The following AFF4 variants were observed in gnomAD, a reference collection of about 807,000 sequenced individuals.
The protein encoded by AFF4 is ALF transcription elongation factor 4, also known as AF4/FMR2 family member 4.
Under a neutral mutation model 124.8 loss-of-function variants are expected in AFF4, and 13 were observed. That is an observed-to-expected ratio of 0.10 (90% confidence interval 0.07 to 0.17). The LOEUF (loss-of-function observed/expected upper bound fraction) is 0.17. AFF4 is among the 10% of genes least tolerant of loss of function. The probability of loss-of-function intolerance (pLI) is 1.00; values close to 1 mark genes in which losing one functional copy is unlikely to be tolerated. For synonymous variants in AFF4, 477 were observed against 496.1 expected, an observed-to-expected ratio of 0.96 and a Z score of 0.51; for missense variants, 1,092 against 1,403.8, an observed-to-expected ratio of 0.78 and a Z score of 3.55.
intron 2 of AFF4, among the ~76,000 whole-genome samples, chr5:132,936,704 G>A (rs1162439177): frequency 6.6e-6 from 1 of 152,154 alleles, no homozygotes; most frequent in Non-Finnish European, 1.5e-5. Context: ...GAAAATAGAG[G>A]TAAATGTATG....
At chr5:132,899,764 C>T (rs1760502912) in intron 7 of AFF4, 123 bp from the exon 8 acceptor site, 1 of 728,124 alleles carries the variant, frequency 1.4e-6, no homozygotes, top group African/African-American at 1.7e-5. Context: ...AACCAAAAAA[C>T]AAAACACCAG....
chr5:132,937,185 T>C lies in AFF4; in HGVS notation c.5A>G (p.Asn2Ser). M[N>S]REDRNVLRMK... is the part of the protein sequence containing the mutation. ...ACGCAGCACATTCCGGTCTTCACGG[T>C]TCATGTTGCTATGAAAAGAAACACA... is the stretch of plus-strand genomic sequence containing the variant. The change falls in exon 2 of 21, where the codon AAC (asparagine) becomes AGC (serine). Residue 2 changes from asparagine (N) to serine (S), a missense_variant. Physicochemically the swap from Asn to Ser is conservative, Grantham distance 46. Transcript: ENST00000265343. 10 of 1,608,408 alleles carry C rather than the reference T, an allele frequency of 6.2e-6. No individual in the cohort carries two copies. Among genetic ancestry groups the C allele is most frequent in the Non-Finnish European group, 8.5e-6 (10 of 1,176,610 alleles).
chr5:132,923,161 G>A (rs1761090060), intron 5 of AFF4, among the ~76,000 whole-genome samples: 1 of 151,984 alleles, frequency 6.6e-6, no homozygotes, highest in South Asian at 2.1e-4. Flanking sequence ...GGGCAACAGA[G>A]CAAAACTTTG....
intron 5 of AFF4, among the ~76,000 whole-genome samples, chr5:132,925,641 C>A (rs1429073831): frequency 6.6e-6 from 1 of 152,100 alleles, no homozygotes. Context: ...AGCAAATTTA[C>A]CCACAAAGAA....
chr5:132,902,516 TA>T, intron 6 of AFF4, 29 bp from the exon 7 acceptor site: 1 of 1,529,078 alleles, frequency 6.5e-7, no homozygotes, highest in Non-Finnish European at 9.1e-7. Context: ...AGTGAGCAAC[TA>T]AAGGATGGCT....
At chr5:132,896,094 A>G (rs1157901356) in intron 11 of AFF4, among the ~76,000 whole-genome samples, 2 of 152,208 alleles carry the variant, frequency 1.3e-5, no homozygotes, top group Non-Finnish European at 2.9e-5. Context: ...AAAAGCACTG[A>G]CTCATTTCTT....
intron 7 of AFF4, among the ~76,000 whole-genome samples, chr5:132,902,050 A>AT (rs763749766): frequency 6.6e-6 from 1 of 151,956 alleles, no homozygotes. Flanking sequence ...TATTTCTTTT[A>AT]TTTTTTAATT....
chr5:132,885,827 G>A (rs1482285714), intron 18 of AFF4, among the ~76,000 whole-genome samples: 2 of 152,178 alleles, frequency 1.3e-5, no homozygotes, highest in Admixed American at 6.5e-5. Flanking sequence ...AGGCTGGAGT[G>A]CAGTGGCATG....
chr5:132,899,642 C>CT lies in AFF4; in HGVS notation c.1134-2dup, dbSNP rs1760498630. On this transcript the variant is annotated splice_acceptor_variant, in intron 7 of 20. Transcript: ENST00000265343. LOFTEE classifies it high-confidence loss of function. ...TAGTTTTAAGTCATCTTTTAACATACTAGAGGGAAAAGACAAAGAATTATT... is the reference window on the plus strand; with the variant it reads ...TAGTTTTAAGTCATCTTTTAACATACTTAGAGGGAAAAGACAAAGAATTATT... The CT allele has an allele frequency of 6.2e-7, 1 of 1,608,780 alleles. No individual in the cohort carries two copies. Among genetic ancestry groups the CT allele is most frequent in the Admixed American group, 1.7e-5 (1 of 59,906 alleles).
intron 4 of AFF4, among the ~76,000 whole-genome samples, 169 bp downstream of exon 4, chr5:132,932,009 A>G (rs1030951793): frequency 6.6e-6 from 1 of 152,202 alleles, no homozygotes; most frequent in African/African-American, 2.4e-5. Context: ...CTGAAGGCAA[A>G]TGGTAAACAA....
At chr5:132,927,820 G>GA (rs1737356498) in intron 4 of AFF4, among the ~76,000 whole-genome samples, 1 of 151,980 alleles carries the variant, frequency 6.6e-6, no homozygotes, top group Non-Finnish European at 1.5e-5. Flanking sequence ...AATCAGAAGA[G>GA]AAATTTCAAA....
chr5:132,937,331 C>G (rs1581321553), intron 1 of AFF4, 138 bp from the exon 2 acceptor site: 2 of 1,089,502 alleles, frequency 1.8e-6, no homozygotes, highest in East Asian at 5.4e-5. Context: ...AGTGCTGAAG[C>G]TGGGTTTTGG....
intron 1 of AFF4, among the ~76,000 whole-genome samples, chr5:132,946,272 C>G (rs1365061632): frequency 1.3e-5 from 2 of 152,062 alleles, no homozygotes; most frequent in African/African-American, 2.4e-5. Flanking sequence ...AAAACTTTAA[C>G]AAATAATTAC....
At chr5:132,901,589 A>G (rs1227261249) in intron 7 of AFF4, among the ~76,000 whole-genome samples, 1 of 152,184 alleles carries the variant, frequency 6.6e-6, no homozygotes, top group African/African-American at 2.4e-5. Context: ...TTTTCATCCA[A>G]TACATTACCC....
rs1318735203 is a variant in AFF4 at position 132,903,114 on chromosome 5, TGAC to T, written c.1088-630_1088-628del. On this transcript the variant is annotated intron_variant, in intron 6 of 20. Coordinates refer to ENST00000265343, the MANE Select transcript of AFF4 (RefSeq NM_014423.4). Reference sequence around the variant, plus strand: ...AGAAGGATGAAGCATTCTTAAAAGATGACGACTAGGGAAAACAAGCTGAGAAAA... The same window carrying T: ...AGAAGGATGAAGCATTCTTAAAAGATGACTAGGGAAAACAAGCTGAGAAAA... 2.6e-5 allele frequency among the ~76,000 whole-genome samples: 4 copies of T among 151,840 alleles called. No homozygotes were observed. In the East Asian group the frequency reaches 5.8e-4, roughly 22 times the overall value.
At chr5:132,908,116 G>A (rs540669575) in intron 5 of AFF4, among the ~76,000 whole-genome samples, 24 of 151,250 alleles carry the variant, frequency 1.6e-4, no homozygotes, top group African/African-American at 5.8e-4. Context: ...TTGTCTTCCA[G>A]CTTTTTTTTT....
chr5:132,893,183 T>G lies in AFF4; in HGVS notation c.2308-65A>C. 2.3e-6 allele frequency: 3 copies of G among 1,311,394 alleles called. No individual in the cohort carries two copies. In the South Asian group the frequency reaches 3.5e-5, roughly 16 times the overall value. The allele number at this position is 1,311,394 out of a possible 1,614,324, so 81.2% of individuals were successfully genotyped here. A position where few individuals can be genotyped will look rare whatever the true frequency, so the allele number is the denominator to read the frequency against. On this transcript the variant is annotated intron_variant, in intron 11 of 20. Transcript: ENST00000265343. ...ACTAACTTCAGCTTCCAGCACTAGC[T>G]ACCCACAAAGAGTTTATCCATGATT...
chr5:132,885,622 A>G (rs1760100829), intron 18 of AFF4, among the ~76,000 whole-genome samples: 1 of 152,238 alleles, frequency 6.6e-6, no homozygotes, highest in South Asian at 2.1e-4. Flanking sequence ...AAGGAGTTTA[A>G]ACTTGACCCA....
intron 1 of AFF4, among the ~76,000 whole-genome samples, chr5:132,947,130 G>A (rs932305657): frequency 3.9e-5 from 6 of 152,168 alleles, no homozygotes; most frequent in African/African-American, 1.4e-4. Flanking sequence ...ACAACCGAGC[G>A]TTGTGGCTGG....
Sources: allele counts gnomAD v4.1 joint callset (sites outside exome capture counted in the v4.1 genomes callset), GRCh38; gene constraint gnomAD v4.1.1; transcripts MANE v1.5; gene names NCBI Gene and HGNC (gene_info 2026-07-23, HGNC 2026-07-21).